TRPC6: variants seen among roughly 807,000 people sequenced by gnomAD.
TRPC6 encodes the protein short transient receptor potential channel 6.
Under a neutral mutation model 90.7 loss-of-function variants are expected in TRPC6, and 55 were observed. That is an observed-to-expected ratio of 0.61 (90% CI 0.49 to 0.76). The LOEUF is 0.76. TRPC6 is among the 30% of genes least tolerant of loss of function. The pLI is 0.00. For missense variants in TRPC6, 989 were observed against 1,122.7 expected (o/e 0.88, Z 1.70); for synonymous variants, 393 against 393.0 (o/e 1.00, Z 0.00).
At chr11:101,539,381 T>C (rs529826630) in intron 1 of TRPC6, among the ~76,000 whole-genome samples, 37 of 152,222 alleles carry the variant, frequency 2.4e-4, no homozygotes, top group Non-Finnish European at 5.0e-4. Flanking sequence ...CTGGGCCTTC[T>C]AGTAAATATC....
chr11:101,504,351 A>C lies in TRPC6; in HGVS notation c.618T>G (p.Phe206Leu), dbSNP rs1428307947. The change falls in exon 2 of 13, where the codon TTT (phenylalanine) becomes TTG (leucine). Residue 206 changes from phenylalanine (F) to leucine (L), a missense_variant. Physicochemically the swap from Phe to Leu is conservative, Grantham distance 22. This residue lies in a region of TRPC6 where 486 missense variants were observed against 591.9 expected (regional missense o/e 0.82). Transcript: ENST00000344327. ...PSQSELQQDDFYAYDEDGTRF... is the reference protein window; with the variant it reads ...PSQSELQQDDLYAYDEDGTRF... ...GTGTCCCATCTTCATCATAGGCATA[A>C]AAATCATCTTGCTGGAGTTCAGACT... The C allele has an allele frequency of 1.2e-6, 2 of 1,614,090 alleles. No individual in the cohort carries two copies. The highest frequency in any genetic ancestry group is 8.5e-7 in the Non-Finnish European group (1 of 1,179,996).
chr11:101,484,908 G>A (rs1228013937), intron 4 of TRPC6, among the ~76,000 whole-genome samples: 2 of 151,790 alleles, frequency 1.3e-5, no homozygotes, highest in South Asian at 2.1e-4. Flanking sequence ...GTGTCAATAC[G>A]TATAACATAT....
chr11:101,471,529 G>A, intron 8 of TRPC6, 143 bp from the exon 9 acceptor site: 2 of 879,156 alleles, frequency 2.3e-6, no homozygotes, highest in South Asian at 1.5e-5. Flanking sequence ...TTTTCAAAAT[G>A]TTAACATTCT....
chr11:101,535,249 T>C (rs1243365992), intron 1 of TRPC6, among the ~76,000 whole-genome samples: 2 of 150,612 alleles, frequency 1.3e-5, no homozygotes, highest in Non-Finnish European at 3.0e-5. Context: ...CACAAAGCAT[T>C]TGAGGAGACA....
At chr11:101,514,589 A>G (rs552270468) in intron 1 of TRPC6, among the ~76,000 whole-genome samples, 1 of 152,302 alleles carries the variant, frequency 6.6e-6, no homozygotes, top group Non-Finnish European at 1.5e-5. Flanking sequence ...TCCTGGCTCA[A>G]TTTAACTAAA....
intron 1 of TRPC6, among the ~76,000 whole-genome samples, chr11:101,506,704 CA>C (rs1183266016): frequency 6.6e-6 from 1 of 152,066 alleles, no homozygotes; most frequent in Non-Finnish European, 1.5e-5. Context: ...TTAGATAATA[CA>C]TATGCAACTT....
chr11:101,543,769 A>G (rs1383614738), intron 1 of TRPC6, among the ~76,000 whole-genome samples: 1 of 152,136 alleles, frequency 6.6e-6, no homozygotes, highest in East Asian at 1.9e-4. Flanking sequence ...AAGAACTAAA[A>G]CCATAAAAAC....
intron 1 of TRPC6, among the ~76,000 whole-genome samples, chr11:101,519,143 C>T (rs945842409): frequency 4.6e-5 from 7 of 152,012 alleles, no homozygotes; most frequent in Non-Finnish European, 7.4e-5. Context: ...ATAGGTTAAC[C>T]ATAGTCAATA....
At chr11:101,460,887 C>A (rs555890501) in intron 10 of TRPC6, among the ~76,000 whole-genome samples, 1 of 152,242 alleles carries the variant, frequency 6.6e-6, no homozygotes, top group Non-Finnish European at 1.5e-5. Flanking sequence ...CACTGTTATT[C>A]TTGAGACTAA....
At chr11:101,509,407 C>T (rs1355687698) in intron 1 of TRPC6, among the ~76,000 whole-genome samples, 1 of 151,896 alleles carries the variant, frequency 6.6e-6, no homozygotes, top group Non-Finnish European at 1.5e-5. Flanking sequence ...CTTTGTTTGT[C>T]TTTTTAAAGA....
intron 1 of TRPC6, among the ~76,000 whole-genome samples, chr11:101,577,852 AGAG>A (rs1453457364): frequency 6.6e-6 from 1 of 152,188 alleles, no homozygotes; most frequent in African/African-American, 2.4e-5. Context: ...AGCTAAAAGA[AGAG>A]TAGTATGCTG....
chr11:101,542,733 A>G (rs1565236108), intron 1 of TRPC6, among the ~76,000 whole-genome samples: 1 of 151,950 alleles, frequency 6.6e-6, no homozygotes, highest in African/African-American at 2.4e-5. Flanking sequence ...TATATAATCT[A>G]TTATGCATAA....
intron 9 of TRPC6, among the ~76,000 whole-genome samples, chr11:101,470,918 T>G (rs1376710124): frequency 6.7e-6 from 1 of 149,568 alleles, no homozygotes; most frequent in East Asian, 2.0e-4. Context: ...CAGCCCAGAA[T>G]AGTTCTTCTT....
chr11:101,570,777 G>A (rs1861945448), intron 1 of TRPC6, among the ~76,000 whole-genome samples: 1 of 152,174 alleles, frequency 6.6e-6, no homozygotes. Flanking sequence ...AAAACCATGT[G>A]ATGATCTCAA....
Position 101,453,728 on chromosome 11 carries a change from A to G in TRPC6, c.2569-3T>C. Reference sequence around the variant, plus strand: ...TTAATGAGCCTTTTCATTATTTTCTAGAAAACAGAGAAAGGAGAAATCTAT... The same window carrying G: ...TTAATGAGCCTTTTCATTATTTTCTGGAAAACAGAGAAAGGAGAAATCTAT... On this transcript the variant is annotated splice_polypyrimidine_tract_variant and splice_region_variant and intron_variant, in intron 11 of 12. Transcript: ENST00000344327. 2.5e-6 allele frequency: 4 copies of G among 1,611,802 alleles called. No individual in the cohort carries two copies. Among genetic ancestry groups the G allele is most frequent in the African/African-American group, 1.3e-5 (1 of 74,968 alleles).
chr11:101,459,283 G>A (rs1858950862), intron 10 of TRPC6, among the ~76,000 whole-genome samples: 2 of 152,204 alleles, frequency 1.3e-5, no homozygotes, highest in Admixed American at 1.3e-4. Flanking sequence ...TCTCCACTGT[G>A]AGGCTCTGCT....
chr11:101,520,649 A>G (rs1363922275), intron 1 of TRPC6, among the ~76,000 whole-genome samples: 1 of 152,192 alleles, frequency 6.6e-6, no homozygotes. Context: ...GGAACCTCCT[A>G]GAGACTTGTT....
At chr11:101,473,873 G>T (rs144995496) in intron 6 of TRPC6, 100 bp from the exon 7 acceptor site, 1 of 1,554,344 alleles carries the variant, frequency 6.4e-7, no homozygotes, top group South Asian at 1.2e-5. Context: ...GTTAGAATCC[G>T]GTTTTCGAAT....
intron 1 of TRPC6, among the ~76,000 whole-genome samples, chr11:101,548,306 C>T (rs1438408339): frequency 1.6e-5 from 2 of 123,114 alleles, no homozygotes; most frequent in Non-Finnish European, 3.5e-5. Flanking sequence ...AATTGAAATA[C>T]AATATAATAT....
Sources: allele counts gnomAD v4.1 joint callset (sites outside exome capture counted in the v4.1 genomes callset), GRCh38; gene constraint gnomAD v4.1.1; regional missense constraint gnomAD v4.1.1; transcripts MANE v1.5; gene names NCBI Gene and HGNC (gene_info 2026-07-23, HGNC 2026-07-21).